Variants in SUGCT observed in about 807,000 individuals in gnomAD.
SUGCT encodes succinyl-CoA:glutarate-CoA transferase, also known as succinyl-CoA:glutarate CoA-transferase.
In SUGCT, 41 loss-of-function variants were observed where a neutral mutation model predicts 55.0. The ratio of observed to expected loss-of-function variants is 0.74; its 90% confidence interval spans 0.58 to 0.97. The LOEUF (loss-of-function observed/expected upper bound fraction) is 0.97. SUGCT is among the 50% of genes least tolerant of loss of function. The pLI, the probability that SUGCT is intolerant of heterozygous loss-of-function variation, is 0.00. For synonymous variants in SUGCT, 187 were observed against 200.4 expected (o/e 0.93, Z 0.56); for missense variants, 568 against 547.8 (o/e 1.04, Z -0.37).
intron 12 of SUGCT, among the ~76,000 whole-genome samples, chr7:40,621,361 A>G (rs2151791941): frequency 6.6e-6 from 1 of 152,234 alleles, no homozygotes; most frequent in African/African-American, 2.4e-5. Context: ...CAGTGATGGA[A>G]ATCAGCCAGT....
intron 8 of SUGCT, among the ~76,000 whole-genome samples, chr7:40,313,699 C>T (rs1196979345): frequency 2.0e-5 from 3 of 151,330 alleles, no homozygotes; most frequent in East Asian, 1.9e-4. Context: ...GCGTGATCAC[C>T]GCTAACTGCA....
At chr7:40,170,551 A>G (rs754174988) in intron 1 of SUGCT, among the ~76,000 whole-genome samples, 1 of 152,198 alleles carries the variant, frequency 6.6e-6, no homozygotes, top group Non-Finnish European at 1.5e-5. Context: ...TCATTTTCCA[A>G]TGAGCATTAG....
chr7:40,673,123 A>G (rs1031127460), intron 12 of SUGCT, among the ~76,000 whole-genome samples: 1 of 152,092 alleles, frequency 6.6e-6, no homozygotes, highest in Non-Finnish European at 1.5e-5. Flanking sequence ...GTTTTGTTCC[A>G]TTTGTCTTTG....
intron 1 of SUGCT, among the ~76,000 whole-genome samples, chr7:40,174,403 G>A (rs956686954): frequency 6.6e-6 from 1 of 152,082 alleles, no homozygotes; most frequent in Non-Finnish European, 1.5e-5. Flanking sequence ...AGGGCCACAA[G>A]CATGCCACCA....
At chr7:40,568,402 T>G (rs1031953291) in intron 12 of SUGCT, among the ~76,000 whole-genome samples, 1 of 152,158 alleles carries the variant, frequency 6.6e-6, no homozygotes, top group African/African-American at 2.4e-5. Flanking sequence ...TAGAAACCTA[T>G]AAGGTTTTGT....
chr7:40,442,281 T>C (rs753693607), intron 9 of SUGCT, among the ~76,000 whole-genome samples: 1 of 152,212 alleles, frequency 6.6e-6, no homozygotes, highest in Non-Finnish European at 1.5e-5. Context: ...TGGAAGGGAC[T>C]GTAAAGTTAA....
chr7:40,277,483 C>T (rs1792593113), intron 8 of SUGCT, among the ~76,000 whole-genome samples: 1 of 152,068 alleles, frequency 6.6e-6, no homozygotes, highest in African/African-American at 2.4e-5. Context: ...AGCCACTGCA[C>T]CCAGCCAGAG....
intron 6 of SUGCT, 103 bp from the exon 7 acceptor site, chr7:40,237,532 T>C: frequency 1.1e-6 from 1 of 892,856 alleles, no homozygotes; most frequent in East Asian, 2.4e-5. Flanking sequence ...AGTCTCGAAA[T>C]GCTGCAGGAT....
At chr7:40,583,208 A>G (rs746714055) in intron 12 of SUGCT, among the ~76,000 whole-genome samples, 5 of 152,222 alleles carry the variant, frequency 3.3e-5, no homozygotes, top group African/African-American at 4.8e-5. Context: ...TCAAGTAAAG[A>G]GCAAAGGTGA....
At chr7:40,309,256 A>G (rs2151093861) in intron 8 of SUGCT, among the ~76,000 whole-genome samples, 1 of 151,916 alleles carries the variant, frequency 6.6e-6, no homozygotes, top group South Asian at 2.1e-4. Flanking sequence ...CTGTATCCCC[A>G]GTATCTAGAG....
chr7:40,903,554 C>G, the SUGCT span, among the ~76,000 whole-genome samples: 2 of 152,272 alleles, frequency 1.3e-5, no homozygotes, highest in South Asian at 4.1e-4. Context: ...TCACTTCTGG[C>G]TCTGAAAGGC....
At chr7:40,791,449 T>C (rs1347139901) in intron 13 of SUGCT, among the ~76,000 whole-genome samples, 5 of 152,200 alleles carry the variant, frequency 3.3e-5, no homozygotes, top group Non-Finnish European at 7.3e-5. Flanking sequence ...ACGCTAGATA[T>C]TTTATTCAGC....
the SUGCT span, among the ~76,000 whole-genome samples, chr7:40,960,037 G>A: frequency 1.3e-5 from 2 of 152,016 alleles, no homozygotes. Flanking sequence ...AGATGTGCCA[G>A]GTACCTCAGT....
chr7:40,456,401 GA>G (rs1419021937), intron 10 of SUGCT, among the ~76,000 whole-genome samples: 1 of 152,182 alleles, frequency 6.6e-6, no homozygotes, highest in East Asian at 1.9e-4. Flanking sequence ...TCATACACCT[GA>G]AATTGTTCAT....
intron 7 of SUGCT, among the ~76,000 whole-genome samples, chr7:40,268,884 G>A (rs1480077360): frequency 1.3e-5 from 2 of 152,088 alleles, no homozygotes; most frequent in Non-Finnish European, 2.9e-5. Flanking sequence ...TGATCCGCCC[G>A]CCTCAGGCTC....
intron 7 of SUGCT, among the ~76,000 whole-genome samples, chr7:40,265,335 T>G (rs1015554046): frequency 6.6e-5 from 10 of 152,300 alleles, no homozygotes; most frequent in African/African-American, 2.4e-4. Context: ...CTTGGCGACT[T>G]TTCAAATTCA....
At chr7:40,270,776 G>T (rs1791949235) in intron 7 of SUGCT, among the ~76,000 whole-genome samples, 1 of 152,144 alleles carries the variant, frequency 6.6e-6, no homozygotes. Context: ...TGAATATGCA[G>T]AGGAGTGTGG....
At chr7:40,286,288 A>G (rs1487850189) in intron 8 of SUGCT, among the ~76,000 whole-genome samples, 1 of 152,182 alleles carries the variant, frequency 6.6e-6, no homozygotes, top group Non-Finnish European at 1.5e-5. Context: ...CTGGGTAGGA[A>G]AGATTACTTT....
intron 11 of SUGCT, among the ~76,000 whole-genome samples, chr7:40,473,691 T>C (rs1158391918): frequency 1.3e-5 from 2 of 152,174 alleles, no homozygotes; most frequent in Non-Finnish European, 2.9e-5. Flanking sequence ...TGTTTTCTAA[T>C]TTGCCAGCTC....
Sources: allele counts gnomAD v4.1 joint callset (sites outside exome capture counted in the v4.1 genomes callset), GRCh38; gene constraint gnomAD v4.1.1; transcripts MANE v1.5; gene names NCBI Gene and HGNC (gene_info 2026-07-23, HGNC 2026-07-21).